CLXN: variants seen among roughly 807,000 people sequenced by gnomAD.
CLXN encodes calaxin, also known as EF-hand calcium binding domain 1.
the CLXN span, among the ~76,000 whole-genome samples, chr8:48,730,980 CAA>C: frequency 6.6e-6 from 1 of 151,928 alleles, no homozygotes; most frequent in African/African-American, 2.4e-5. Context: ...TTTTGTTACT[CAA>C]GTCATTACTT....
At chr8:48,724,888 A>G in the CLXN span, 2 of 1,117,286 alleles carry the variant, frequency 1.8e-6, no homozygotes, top group African/African-American at 1.6e-5. Context: ...TAGTGTAGAG[A>G]CAGGATAACT....
At chr8:48,713,192 CAGATCT>C in the CLXN span, among the ~76,000 whole-genome samples, 3 of 152,160 alleles carry the variant, frequency 2.0e-5, no homozygotes. Context: ...TCAGAAAATG[CAGATCT>C]ATTACTTCTG....
the CLXN span, among the ~76,000 whole-genome samples, chr8:48,722,905 A>G: frequency 5.3e-5 from 8 of 152,072 alleles, no homozygotes; most frequent in East Asian, 1.5e-3. Context: ...AAAAACAAAT[A>G]CTGCATGTTC....
At chr8:48,733,529 A>G in the CLXN span, among the ~76,000 whole-genome samples, 3 of 152,210 alleles carry the variant, frequency 2.0e-5, no homozygotes, top group South Asian at 4.1e-4. Flanking sequence ...GAATCTTGAT[A>G]GCTTTATTGT....
chr8:48,724,140 C>G, the CLXN span: 1 of 152,136 alleles, frequency 6.6e-6, no homozygotes, highest in Non-Finnish European at 1.5e-5. Flanking sequence ...GGATAAAACC[C>G]TTGCCTTCAG....
At chr8:48,726,484 T>TCATCCATCCATCCATCCATC in the CLXN span, among the ~76,000 whole-genome samples, 66 of 105,358 alleles carry the variant, frequency 6.3e-4, no homozygotes, top group African/African-American at 2.2e-3. Flanking sequence ...ATCCATCCAT[T>TCATCCATCCATCCATCCATC]CATCCATCCA....
At chr8:48,727,074 C>T in the CLXN span, among the ~76,000 whole-genome samples, 1 of 147,626 alleles carries the variant, frequency 6.8e-6, no homozygotes, top group Non-Finnish European at 1.5e-5. Flanking sequence ...TACCCACTCA[C>T]CTCAACTATC....
chr8:48,722,922 A>G, the CLXN span, among the ~76,000 whole-genome samples: 1 of 152,198 alleles, frequency 6.6e-6, no homozygotes, highest in Non-Finnish European at 1.5e-5. Flanking sequence ...GTTCTCACTT[A>G]TAAGAGGGAC....
the CLXN span, among the ~76,000 whole-genome samples, chr8:48,732,805 T>C: frequency 2.0e-5 from 3 of 152,156 alleles, no homozygotes; most frequent in African/African-American, 7.2e-5. Context: ...TTCTGACACA[T>C]AGATGAACAT....
the CLXN span, chr8:48,724,277 A>G: frequency 6.6e-6 from 1 of 152,396 alleles, no homozygotes; most frequent in African/African-American, 2.4e-5. Context: ...GCCTACCAGA[A>G]AGGCGTTTCA....
At chr8:48,714,732 TC>T in the CLXN span, among the ~76,000 whole-genome samples, 1 of 152,182 alleles carries the variant, frequency 6.6e-6, no homozygotes, top group African/African-American at 2.4e-5. Flanking sequence ...TGGAAGCCTT[TC>T]CTGATGAATG....
chr8:48,718,998 C>G, the CLXN span, among the ~76,000 whole-genome samples: 1 of 151,714 alleles, frequency 6.6e-6, no homozygotes, highest in East Asian at 1.9e-4. Flanking sequence ...ATTAACAAAA[C>G]TAAGACTTGG....
At chr8:48,724,783 C>A in the CLXN span, 1 of 1,611,650 alleles carries the variant, frequency 6.2e-7, no homozygotes, top group Non-Finnish European at 8.5e-7. Flanking sequence ...AATACTTGAG[C>A]TTCAAATTCC....
the CLXN span, among the ~76,000 whole-genome samples, chr8:48,734,189 C>T: frequency 1.3e-5 from 2 of 152,108 alleles, no homozygotes; most frequent in African/African-American, 4.8e-5. Flanking sequence ...ATGTTTATTC[C>T]TTCTTTTTTG....
chr8:48,733,085 A>G, the CLXN span, among the ~76,000 whole-genome samples: 1 of 152,158 alleles, frequency 6.6e-6, no homozygotes, highest in African/African-American at 2.4e-5. Flanking sequence ...TAAAATGGTT[A>G]AAATAGTAAA....
the CLXN span, among the ~76,000 whole-genome samples, chr8:48,722,004 C>T: frequency 6.6e-6 from 1 of 152,222 alleles, no homozygotes; most frequent in Non-Finnish European, 1.5e-5. Flanking sequence ...AAGGCAACCA[C>T]TGGAGAAAAT....
chr8:48,735,298 T>C, the CLXN span: 1 of 887,616 alleles, frequency 1.1e-6, no homozygotes, highest in South Asian at 1.6e-5. Context: ...ACAGACGGTG[T>C]AGCCAAGGCA....
At chr8:48,729,577 A>C in the CLXN span, 1 of 814,862 alleles carries the variant, frequency 1.2e-6, no homozygotes. Context: ...ACTGAAAAGA[A>C]CTATTAATAT....
chr8:48,724,256 T>C, the CLXN span: 1 of 152,260 alleles, frequency 6.6e-6, no homozygotes, highest in Admixed American at 6.5e-5. Context: ...TCTCTCTAGA[T>C]CTCCCTCAAT....
Sources: allele counts gnomAD v4.1 joint callset (sites outside exome capture counted in the v4.1 genomes callset), GRCh38; gene constraint gnomAD v4.1.1; transcripts MANE v1.5; gene names NCBI Gene and HGNC (gene_info 2026-07-23, HGNC 2026-07-21).